Variants in RBFOX3 observed in about 807,000 individuals in gnomAD.
The protein encoded by RBFOX3 is RNA binding fox-1 homolog 3, also known as RNA binding protein fox-1 homolog 3.
Under a neutral mutation model 48.7 loss-of-function variants are expected in RBFOX3, and 17 were observed. The ratio of observed to expected loss-of-function variants is 0.35; its 90% CI spans 0.24 to 0.52. The LOEUF (loss-of-function observed/expected upper bound fraction) is 0.52. Among genes scored for constraint, RBFOX3 ranks in the 20% least tolerant of loss-of-function variants. The probability of loss-of-function intolerance (pLI) is 0.94; values close to 1 mark genes in which losing one functional copy is unlikely to be tolerated. For missense variants in RBFOX3, 382 were observed against 497.5 expected, an observed-to-expected ratio of 0.77 and a Z score of 2.21; for synonymous variants, 212 against 209.5, an observed-to-expected ratio of 1.01 and a Z score of -0.10.
intron 4 of RBFOX3, among the ~76,000 whole-genome samples, chr17:79,137,184 T>G (rs140575053): frequency 2.4e-3 from 358 of 152,006 alleles, no homozygotes; most frequent in Non-Finnish European, 3.5e-3. Flanking sequence ...ACACGCAGCC[T>G]CTGTGCACAC....
intron 4 of RBFOX3, among the ~76,000 whole-genome samples, chr17:79,185,087 G>C (rs998612640): frequency 6.6e-6 from 1 of 151,208 alleles, no homozygotes; most frequent in African/African-American, 2.5e-5. Context: ...CATTCTCTCA[G>C]GTGCCCCTTG....
rs116439510 is a variant in RBFOX3, at chr17:79,128,528, C to T, written c.-33-12780G>A. Among the ~76,000 whole-genome samples, 414 of 152,316 alleles carry T rather than the reference C, an allele frequency of 2.7e-3. 3 individuals are homozygous for T. The highest frequency in any genetic ancestry group is 9.3e-3 in the African/African-American group (385 of 41,572). ...TGCCTTCAGACTCAGCTGCTTCCTC[C>T]GCCCAGAAACAGGCCACCTCTACAG... is the stretch of plus-strand genomic sequence containing the variant. On this transcript the variant is annotated intron_variant, in intron 4 of 14. Coordinates refer to ENST00000693108, the MANE Select transcript of RBFOX3 (RefSeq NM_001350451.2).
At chr17:79,603,834 C>T (rs2093765440) in intron 1 of RBFOX3, 1 of 152,208 alleles carries the variant, frequency 6.6e-6, no homozygotes, top group African/African-American at 2.4e-5. Context: ...AACTGAGGTT[C>T]CAGAGCCTGC....
chr17:79,513,698 CCA>C (rs1183549093), intron 1 of RBFOX3, among the ~76,000 whole-genome samples: 1 of 152,220 alleles, frequency 6.6e-6, no homozygotes, highest in African/African-American at 2.4e-5. Context: ...GTCCTCCACT[CCA>C]CAGTGGGAGC....
the RBFOX3 span, among the ~76,000 whole-genome samples, chr17:79,650,850 G>T: frequency 6.6e-6 from 1 of 152,152 alleles, no homozygotes; most frequent in African/African-American, 2.4e-5. Flanking sequence ...GCAGGCTCCA[G>T]GGTGGCACCA....
chr17:79,513,212 G>A (rs1048487293), intron 1 of RBFOX3, among the ~76,000 whole-genome samples: 3 of 151,658 alleles, frequency 2.0e-5, no homozygotes, highest in Non-Finnish European at 4.4e-5. Context: ...ATGGCCAGGG[G>A]ACACATACCT....
chr17:79,414,892 C>A (rs117244085), intron 2 of RBFOX3, among the ~76,000 whole-genome samples: 1 of 152,216 alleles, frequency 6.6e-6, no homozygotes, highest in South Asian at 2.1e-4. Context: ...GGACAGAGCC[C>A]GAGGTGGCGG....
chr17:79,316,065 G>A (rs1360179961), intron 2 of RBFOX3, among the ~76,000 whole-genome samples: 8 of 152,142 alleles, frequency 5.3e-5, no homozygotes, highest in Non-Finnish European at 1.5e-5. Flanking sequence ...AATCTGCCAA[G>A]GCTCGACAGC....
At chr17:79,265,265 G>A (rs887816111) in intron 3 of RBFOX3, among the ~76,000 whole-genome samples, 1 of 152,182 alleles carries the variant, frequency 6.6e-6, no homozygotes, top group Non-Finnish European at 1.5e-5. Context: ...ATGTAATGCC[G>A]TGTCCTCCCC....
intron 1 of RBFOX3, among the ~76,000 whole-genome samples, chr17:79,537,199 C>T (rs1478085943): frequency 3.3e-5 from 5 of 152,072 alleles, no homozygotes; most frequent in Non-Finnish European, 5.9e-5. Context: ...GGGAGGTTTG[C>T]GCTCCCTCCA....
chr17:79,552,973 C>T (rs1181145881), intron 1 of RBFOX3, among the ~76,000 whole-genome samples: 2 of 152,168 alleles, frequency 1.3e-5, no homozygotes, highest in African/African-American at 4.8e-5. Flanking sequence ...TTAGCCCCTC[C>T]TTTCCAATAT....
At chr17:79,224,009 A>G (rs934904873) in intron 4 of RBFOX3, among the ~76,000 whole-genome samples, 1 of 152,162 alleles carries the variant, frequency 6.6e-6, no homozygotes. Flanking sequence ...GATGGAAGGC[A>G]GGCTTGAATG....
chr17:79,115,793 T>G, intron 4 of RBFOX3, 45 bp from the exon 5 acceptor site: 1 of 609,804 alleles, frequency 1.6e-6, no homozygotes, highest in Non-Finnish European at 2.9e-6. Flanking sequence ...TCTTGTCCCC[T>G]TCCCGGAGCC....
chr17:79,541,721 C>T (rs1172696140), intron 1 of RBFOX3, among the ~76,000 whole-genome samples: 3 of 152,192 alleles, frequency 2.0e-5, no homozygotes, highest in South Asian at 2.1e-4. Flanking sequence ...GGCAAGAGAC[C>T]GCTCACCCCG....
At chr17:79,142,644 C>A (rs1246661202) in intron 4 of RBFOX3, among the ~76,000 whole-genome samples, 1 of 152,142 alleles carries the variant, frequency 6.6e-6, no homozygotes, top group African/African-American at 2.4e-5. Flanking sequence ...TCTGTCTTCT[C>A]CACGTAGACT....
intron 2 of RBFOX3, among the ~76,000 whole-genome samples, chr17:79,389,679 G>A (rs2061083181): frequency 6.6e-6 from 1 of 152,200 alleles, no homozygotes; most frequent in South Asian, 2.1e-4. Flanking sequence ...GATCTGGGGT[G>A]GGACAGACGA....
the RBFOX3 span, among the ~76,000 whole-genome samples, chr17:79,662,132 C>T: frequency 6.7e-4 from 65 of 96,796 alleles, no homozygotes; most frequent in African/African-American, 8.9e-4. Flanking sequence ...CCTGTTTATT[C>T]TTTTTTTTTT....
intron 2 of RBFOX3, among the ~76,000 whole-genome samples, chr17:79,366,169 A>G (rs2057720843): frequency 6.6e-6 from 1 of 152,242 alleles, no homozygotes; most frequent in South Asian, 2.1e-4. Context: ...AGCTAGCTGC[A>G]TAGCTGACGA....
At chr17:79,398,425 A>T (rs747114841) in intron 2 of RBFOX3, among the ~76,000 whole-genome samples, 1 of 152,186 alleles carries the variant, frequency 6.6e-6, no homozygotes, top group Non-Finnish European at 1.5e-5. Context: ...AGGAGGACAC[A>T]GCCTGACGAT....
Sources: allele counts gnomAD v4.1 joint callset (sites outside exome capture counted in the v4.1 genomes callset), GRCh38; gene constraint gnomAD v4.1.1; transcripts MANE v1.5; gene names NCBI Gene and HGNC (gene_info 2026-07-23, HGNC 2026-07-21).